Variants in TCF4 observed in about 807,000 individuals in gnomAD.
TCF4 encodes SL3-3 enhancer factor 2.
A neutral mutation model predicts 82.1 loss-of-function variants in TCF4; 3 were observed. The observed-to-expected ratio is 0.04, with a 90% CI of 0.02 to 0.09. The LOEUF is 0.09. Among genes scored for constraint, TCF4 ranks in the 10% least tolerant of loss-of-function variants. The pLI, the probability that TCF4 is intolerant of heterozygous loss-of-function variation, is 1.00. For missense variants in TCF4, 518 were observed against 852.7 expected (o/e 0.61, Z 4.89); for synonymous variants, 276 against 309.6 (o/e 0.89, Z 1.14).
At chr18:55,561,291 G>A (rs1191904300) in intron 3 of TCF4, among the ~76,000 whole-genome samples, 1 of 152,064 alleles carries the variant, frequency 6.6e-6, no homozygotes, top group Non-Finnish European at 1.5e-5. Flanking sequence ...CATACAATAG[G>A]ATAATATTTT....
At chr18:55,320,329 C>CT (rs1008628959) in intron 8 of TCF4, among the ~76,000 whole-genome samples, 7 of 152,026 alleles carry the variant, frequency 4.6e-5, no homozygotes, top group Non-Finnish European at 1.0e-4. Context: ...ACACCGTGCT[C>CT]TTTTTTAAAA....
intron 5 of TCF4, among the ~76,000 whole-genome samples, chr18:55,409,372 G>C (rs770388113): frequency 2.0e-5 from 3 of 152,018 alleles, no homozygotes; most frequent in Non-Finnish European, 2.9e-5. Context: ...ATTTAATTCA[G>C]GGTTTTCTTT....
chr18:55,228,497 T>C (rs1269906030), intron 18 of TCF4, 136 bp from the exon 19 acceptor site: 5 of 1,259,766 alleles, frequency 4.0e-6, no homozygotes, highest in Non-Finnish European at 5.7e-6. Flanking sequence ...TACTAAGTAC[T>C]GTGGCAATCC....
rs1173053048 is a variant in TCF4, at chr18:55,511,233, T to C, written c.146-47096A>G. ...TACTCGAACACAGTTCAGCAAAGTA[T>C]AACCGGAAGCAATGAAGGGCAGAAT... On this transcript the variant is annotated intron_variant, in intron 3 of 19. Transcript: ENST00000354452. 2.0e-5 allele frequency among the ~76,000 whole-genome samples: 3 copies of C among 148,186 alleles called. No homozygotes were observed. In the East Asian group the frequency reaches 6.0e-4, roughly 30 times the overall value.
At chr18:55,313,601 G>C (rs2073227819) in intron 8 of TCF4, among the ~76,000 whole-genome samples, 1 of 152,102 alleles carries the variant, frequency 6.6e-6, no homozygotes, top group Non-Finnish European at 1.5e-5. Flanking sequence ...TTATTCTACT[G>C]GCTGAAGAAA....
chr18:55,560,598 T>G (rs2097346805), intron 3 of TCF4, among the ~76,000 whole-genome samples: 1 of 152,160 alleles, frequency 6.6e-6, no homozygotes, highest in Non-Finnish European at 1.5e-5. Flanking sequence ...CTGACATATG[T>G]GGACATCTAC....
At chr18:55,430,264 T>C (rs1012032653) in intron 5 of TCF4, among the ~76,000 whole-genome samples, 3 of 152,178 alleles carry the variant, frequency 2.0e-5, no homozygotes, top group Non-Finnish European at 4.4e-5. Context: ...GTACTTGCCA[T>C]GCCATACAAA....
intron 3 of TCF4, among the ~76,000 whole-genome samples, chr18:55,539,038 ACACT>A (rs2097142843): frequency 6.6e-6 from 1 of 151,924 alleles, no homozygotes; most frequent in African/African-American, 2.4e-5. Context: ...GCGCGCACAC[ACACT>A]CCATTTAAAA....
At chr18:55,246,461 T>A (rs1040318282) in intron 15 of TCF4, among the ~76,000 whole-genome samples, 1 of 152,130 alleles carries the variant, frequency 6.6e-6, no homozygotes, top group African/African-American at 2.4e-5. Context: ...TATGTATTCA[T>A]GTGGAGAGAA....
At chr18:55,494,125 C>T (rs2145869198) in intron 3 of TCF4, among the ~76,000 whole-genome samples, 1 of 146,712 alleles carries the variant, frequency 6.8e-6, no homozygotes, top group East Asian at 1.9e-4. Context: ...ACTTCTCTGA[C>T]CAAAACACAG....
At chr18:55,259,900 T>C in intron 13 of TCF4, 49 bp downstream of exon 13, 1 of 1,480,980 alleles carries the variant, frequency 6.8e-7, no homozygotes, top group South Asian at 1.1e-5. Context: ...AAGGGGGGAA[T>C]CATTCTTATA....
At chr18:55,383,341 C>G (rs1404956837) in intron 6 of TCF4, among the ~76,000 whole-genome samples, 3 of 152,158 alleles carry the variant, frequency 2.0e-5, no homozygotes, top group Non-Finnish European at 2.9e-5. Flanking sequence ...TTATCCAATA[C>G]CCACACACTG....
chr18:55,462,413 T>A (rs2095884939), intron 4 of TCF4, among the ~76,000 whole-genome samples: 1 of 152,100 alleles, frequency 6.6e-6, no homozygotes, highest in Non-Finnish European at 1.5e-5. Flanking sequence ...TATCCCCATG[T>A]TAAGATGAAA....
chr18:55,372,155 G>C (rs2089419615), intron 6 of TCF4, among the ~76,000 whole-genome samples: 1 of 152,118 alleles, frequency 6.6e-6, no homozygotes. Flanking sequence ...GGGTGTGTGT[G>C]TATGTGTGTG....
intron 2 of TCF4, among the ~76,000 whole-genome samples, chr18:55,615,280 AC>A (rs1460229948): frequency 6.6e-6 from 1 of 152,100 alleles, no homozygotes; most frequent in Non-Finnish European, 1.5e-5. Context: ...AGTGTACAAC[AC>A]TTGCACATTT....
intron 2 of TCF4, among the ~76,000 whole-genome samples, chr18:55,624,577 A>G (rs995732075): frequency 4.0e-5 from 2 of 50,626 alleles, no homozygotes; most frequent in African/African-American, 7.1e-5. Context: ...GACCCAGATT[A>G]AAAAAAAAAA....
chr18:55,486,645 G>A (rs564017049), intron 3 of TCF4, among the ~76,000 whole-genome samples: 1 of 152,188 alleles, frequency 6.6e-6, no homozygotes, highest in South Asian at 2.1e-4. Context: ...ATCAAATATT[G>A]GAGAGCACAA....
chr18:55,250,711 G>A (rs909677398), intron 15 of TCF4, among the ~76,000 whole-genome samples: 1 of 152,104 alleles, frequency 6.6e-6, no homozygotes, highest in African/African-American at 2.4e-5. Context: ...AAGTTTCCTC[G>A]TTTCTTTTCT....
At chr18:55,274,700 G>A (rs970939340) in intron 10 of TCF4, among the ~76,000 whole-genome samples, 4 of 152,106 alleles carry the variant, frequency 2.6e-5, no homozygotes, top group African/African-American at 9.7e-5. Context: ...ATATGCTTTC[G>A]CATTTGTAGG....
Sources: gnomAD v4.1 joint callset for allele counts (sites outside exome capture counted in the v4.1 genomes callset) on GRCh38, gnomAD v4.1.1 for gene constraint, MANE v1.5 for transcripts, NCBI Gene and HGNC (gene_info 2026-07-23, HGNC 2026-07-21) for gene names.